The following XIRP2 variants were observed in gnomAD, a reference collection of about 807,000 sequenced individuals.
XIRP2 encodes the protein xin actin-binding repeat-containing protein 2.
A neutral mutation model predicts 277.0 loss-of-function variants in XIRP2; 236 were observed. That is an observed-to-expected ratio of 0.85 (90% CI 0.77 to 0.95). The LOEUF (loss-of-function observed/expected upper bound fraction) is 0.95. Among genes scored for constraint, XIRP2 ranks in the 40% least tolerant of loss-of-function variants. The pLI, the probability that XIRP2 is intolerant of heterozygous loss-of-function variation, is 0.00. For missense variants in XIRP2, 4,640 were observed against 4,157.5 expected, an observed-to-expected ratio of 1.12 and a Z score of -3.19; for synonymous variants, 1,490 against 1,416.5, an observed-to-expected ratio of 1.05 and a Z score of -1.17.
intron 2 of XIRP2, among the ~76,000 whole-genome samples, chr2:166,996,407 G>T (rs1294479296): frequency 6.6e-6 from 1 of 152,180 alleles, no homozygotes; most frequent in African/African-American, 2.4e-5. Flanking sequence ...GAGGCAGGCA[G>T]ATCACTTGAG....
rs757746965 is a variant in XIRP2 at position 167,258,143 on chromosome 2, G to A, written c.*326G>A. Reference sequence around the variant, plus strand: ...TGATTTGAGAAAATTAGGGGAAAGGGGAAAATTAAAAGTCATTTGGCCTCC... The same window carrying A: ...TGATTTGAGAAAATTAGGGGAAAGGAGAAAATTAAAAGTCATTTGGCCTCC... On this transcript the variant is annotated 3_prime_UTR_variant, in exon 11 of 11. Transcript: ENST00000409195. 3.1e-6 allele frequency: 5 copies of A among 1,613,002 alleles called. No homozygotes were observed. The highest frequency in any genetic ancestry group is 2.7e-5 in the African/African-American group (2 of 74,832).
intron 3 of XIRP2, among the ~76,000 whole-genome samples, chr2:167,192,784 G>T (rs2105368264): frequency 6.6e-6 from 1 of 152,220 alleles, no homozygotes; most frequent in East Asian, 1.9e-4. Context: ...TGGAACTCAG[G>T]AAATAGGACA....
chr2:167,085,626 C>A (rs1689914331), intron 2 of XIRP2, among the ~76,000 whole-genome samples: 1 of 151,954 alleles, frequency 6.6e-6, no homozygotes, highest in African/African-American at 2.4e-5. Context: ...TCTGGGTGCT[C>A]CTGTATTGGG....
At chr2:167,162,974 C>A (rs1692413838) in intron 3 of XIRP2, among the ~76,000 whole-genome samples, 1 of 152,102 alleles carries the variant, frequency 6.6e-6, no homozygotes, top group South Asian at 2.1e-4. Context: ...GCAATTCATC[C>A]ATGTTGATAA....
chr2:167,005,652 A>C (rs1016273094), intron 2 of XIRP2, among the ~76,000 whole-genome samples: 1 of 151,862 alleles, frequency 6.6e-6, no homozygotes, highest in Non-Finnish European at 1.5e-5. Flanking sequence ...AGAAGAAGTT[A>C]TGTAACTGTT....
At chr2:167,148,030 A>G (rs1227324770) in intron 3 of XIRP2, among the ~76,000 whole-genome samples, 2 of 152,108 alleles carry the variant, frequency 1.3e-5, no homozygotes, top group African/African-American at 2.4e-5. Context: ...ATACAAATAG[A>G]GTGATAAATT....
chr2:166,936,262 TG>T (rs1685498100), intron 2 of XIRP2, among the ~76,000 whole-genome samples: 1 of 152,228 alleles, frequency 6.6e-6, no homozygotes, highest in Non-Finnish European at 1.5e-5. Flanking sequence ...TGGGGTTGTT[TG>T]TTTTTTTCTT....
chr2:167,023,895 C>T (rs1045769126), intron 2 of XIRP2, among the ~76,000 whole-genome samples: 3 of 152,114 alleles, frequency 2.0e-5, no homozygotes, highest in Non-Finnish European at 4.4e-5. Flanking sequence ...AGCGTGATGC[C>T]TCTGGCTGTG....
chr2:167,001,001 T>C (rs1199589481), intron 2 of XIRP2, among the ~76,000 whole-genome samples: 1 of 152,162 alleles, frequency 6.6e-6, no homozygotes, highest in Non-Finnish European at 1.5e-5. Flanking sequence ...GTATTATTAT[T>C]GTGCCTGTAA....
chr2:167,218,414 C>G, intron 5 of XIRP2, 114 bp downstream of exon 5: 1 of 1,005,574 alleles, frequency 9.9e-7, no homozygotes, highest in South Asian at 3.9e-5. Flanking sequence ...TACTCATTAA[C>G]AAACACTGTA....
At chr2:166,972,068 T>G (rs1686591874) in intron 2 of XIRP2, among the ~76,000 whole-genome samples, 1 of 152,116 alleles carries the variant, frequency 6.6e-6, no homozygotes, top group African/African-American at 2.4e-5. Context: ...TGATTAGATT[T>G]AGATGAGCCC....
chr2:167,223,158 T>A (rs558149440), intron 5 of XIRP2, among the ~76,000 whole-genome samples: 2 of 152,294 alleles, frequency 1.3e-5, no homozygotes, highest in African/African-American at 4.8e-5. Context: ...ACTGAGGAGC[T>A]CTTTGTGTAT....
intron 2 of XIRP2, among the ~76,000 whole-genome samples, chr2:166,998,117 T>C (rs573995481): frequency 3.3e-5 from 5 of 152,298 alleles, no homozygotes; most frequent in African/African-American, 1.2e-4. Context: ...TAGATTTCAT[T>C]ATGTTTAAAA....
intron 2 of XIRP2, among the ~76,000 whole-genome samples, chr2:167,029,867 C>A (rs1558954537): frequency 6.6e-6 from 1 of 152,058 alleles, no homozygotes; most frequent in African/African-American, 2.4e-5. Context: ...CTATTAATTA[C>A]TGCCTCAATT....
intron 2 of XIRP2, among the ~76,000 whole-genome samples, chr2:166,913,936 T>C (rs894192182): frequency 2.6e-5 from 4 of 152,228 alleles, no homozygotes; most frequent in African/African-American, 9.6e-5. Context: ...CTGGTGATAG[T>C]TATTTTGATA....
intron 10 of XIRP2, among the ~76,000 whole-genome samples, chr2:167,257,412 T>C (rs1695688612): frequency 6.6e-6 from 1 of 151,976 alleles, no homozygotes; most frequent in African/African-American, 2.4e-5. Context: ...AATTTGTTAA[T>C]CTCCTTAAAG....
chr2:167,177,281 G>A (rs1488892708), intron 3 of XIRP2, among the ~76,000 whole-genome samples: 1 of 151,894 alleles, frequency 6.6e-6, no homozygotes, highest in Non-Finnish European at 1.5e-5. Context: ...AGTTCATTAG[G>A]TTTCTCCTAT....
At chr2:167,213,695 G>A (rs1694127934) in intron 4 of XIRP2, among the ~76,000 whole-genome samples, 1 of 152,154 alleles carries the variant, frequency 6.6e-6, no homozygotes, top group East Asian at 1.9e-4. Context: ...TAAAGTCACA[G>A]GAACGGTCCC....
intron 2 of XIRP2, among the ~76,000 whole-genome samples, chr2:167,088,493 C>T (rs1019051464): frequency 1.3e-5 from 2 of 152,298 alleles, no homozygotes; most frequent in East Asian, 3.9e-4. Context: ...CTCCACATTA[C>T]AGCCAGGATG....
Sources: gnomAD v4.1 joint callset for allele counts (sites outside exome capture counted in the v4.1 genomes callset) on GRCh38, gnomAD v4.1.1 for gene constraint, MANE v1.5 for transcripts, NCBI Gene and HGNC (gene_info 2026-07-23, HGNC 2026-07-21) for gene names.